The following CDH2 variants were observed in gnomAD, a reference collection of about 807,000 sequenced individuals.
CDH2 encodes cadherin-2.
CDH2 carries 17 observed loss-of-function variants against 92.0 expected under a neutral mutation model. The observed-to-expected ratio is 0.18, with a 90% CI of 0.13 to 0.28. CDH2 has a LOEUF of 0.28. CDH2 is among the 10% of genes least tolerant of loss of function. CDH2 has a pLI of 1.00. For missense variants in CDH2, 862 were observed against 1,133.1 expected (o/e 0.76, Z 3.44); for synonymous variants, 419 against 415.9 (o/e 1.01, Z -0.09).
intron 1 of CDH2, among the ~76,000 whole-genome samples, chr18:28,152,324 G>A (rs2016136410): frequency 6.6e-6 from 1 of 152,152 alleles, no homozygotes; most frequent in African/African-American, 2.4e-5. Context: ...AATCTTTCAA[G>A]AAACATGTAC....
chr18:28,053,597 A>C (rs1268964507), intron 2 of CDH2, among the ~76,000 whole-genome samples: 2 of 152,234 alleles, frequency 1.3e-5, no homozygotes, highest in Non-Finnish European at 2.9e-5. Flanking sequence ...ACTGATTCAA[A>C]TAACCAATTA....
At chr18:27,952,381 A>G in intron 15 of CDH2, 22 bp from the exon 16 acceptor site, 1 of 1,595,614 alleles carries the variant, frequency 6.3e-7, no homozygotes, top group East Asian at 2.2e-5. Context: ...AAACACAAAG[A>G]ATGAAAGAAT....
intron 2 of CDH2, among the ~76,000 whole-genome samples, chr18:28,078,214 C>T (rs1482940150): frequency 1.3e-5 from 2 of 152,092 alleles, no homozygotes; most frequent in Non-Finnish European, 2.9e-5. Context: ...TGCCTCAGAA[C>T]TCTCTAGGTT....
At chr18:28,141,975 C>T (rs376595062) in intron 2 of CDH2, among the ~76,000 whole-genome samples, 1 of 151,902 alleles carries the variant, frequency 6.6e-6, no homozygotes, top group Non-Finnish European at 1.5e-5. Flanking sequence ...TTTGCTCAGA[C>T]CATCCTATTT....
At chr18:28,014,032 A>C (rs528871598) in intron 2 of CDH2, 123 bp from the exon 3 acceptor site, 3 of 655,932 alleles carry the variant, frequency 4.6e-6, no homozygotes, top group Non-Finnish European at 7.8e-6. Context: ...CATGAAACAC[A>C]GAAGTTTTAT....
In CDH2 at chr18:28,166,928, C is replaced by G. The variant is rs17495335; in HGVS notation, c.60+10035G>C. On this transcript the variant is annotated intron_variant, in intron 1 of 15. Transcript: ENST00000269141. Reference sequence around the variant, plus strand: ...CAATCTGCATCCCTCCTGGCAGACTCTCAGATCTTTAAAAAAGATATACAA... The same window carrying G: ...CAATCTGCATCCCTCCTGGCAGACTGTCAGATCTTTAAAAAAGATATACAA... Among the ~76,000 whole-genome samples the G allele has an allele frequency of 4.2e-3, 635 of 152,118 alleles. 4 individuals are homozygous for G. The highest frequency in any genetic ancestry group is 0.015 in the African/African-American group (603 of 41,508).
At chr18:28,137,394 A>G (rs1311405566) in intron 2 of CDH2, among the ~76,000 whole-genome samples, 1 of 152,170 alleles carries the variant, frequency 6.6e-6, no homozygotes, top group Non-Finnish European at 1.5e-5. Flanking sequence ...GCATCCATAA[A>G]AAGACCTTAA....
intron 2 of CDH2, among the ~76,000 whole-genome samples, chr18:28,051,769 G>GA (rs2014196250): frequency 6.6e-6 from 1 of 152,054 alleles, no homozygotes; most frequent in African/African-American, 2.4e-5. Flanking sequence ...TCAAACTCCT[G>GA]AATGTGCTAA....
chr18:28,082,098 G>T (rs113313754), intron 2 of CDH2, among the ~76,000 whole-genome samples: 1 of 152,104 alleles, frequency 6.6e-6, no homozygotes, highest in Non-Finnish European at 1.5e-5. Context: ...TTGTTGTAAG[G>T]ATCACAGTCA....
intron 2 of CDH2, among the ~76,000 whole-genome samples, chr18:28,038,578 A>AT (rs1038135648): frequency 7.9e-5 from 12 of 151,890 alleles, no homozygotes; most frequent in African/African-American, 1.7e-4. Flanking sequence ...CAATGCATGC[A>AT]TTTTTTGTGC....
chr18:27,952,557 G>A (rs188764863), intron 15 of CDH2, among the ~76,000 whole-genome samples, 198 bp from the exon 16 acceptor site: 150 of 152,136 alleles, frequency 9.9e-4, no homozygotes, highest in African/African-American at 3.3e-3. Flanking sequence ...ATATCTTTCC[G>A]GTGCAAAGAA....
At chr18:28,162,591 G>A (rs761709048) in intron 1 of CDH2, among the ~76,000 whole-genome samples, 4 of 152,078 alleles carry the variant, frequency 2.6e-5, no homozygotes, top group Non-Finnish European at 5.9e-5. Context: ...TTTGCTCCAT[G>A]AAACTGAGAT....
At chr18:28,091,077 T>C (rs988504381) in intron 2 of CDH2, among the ~76,000 whole-genome samples, 1 of 152,192 alleles carries the variant, frequency 6.6e-6, no homozygotes, top group African/African-American at 2.4e-5. Flanking sequence ...CAGGACAAAG[T>C]TGTCAAAATG....
At chr18:27,941,314 T>C (rs1238858666) in intron 6 of CDH2, among the ~76,000 whole-genome samples, 1 of 152,132 alleles carries the variant, frequency 6.6e-6, no homozygotes, top group Admixed American at 6.5e-5. Flanking sequence ...GGATTACAGG[T>C]GTGAGCCACC....
At chr18:28,014,344 T>C (rs142290534) in intron 2 of CDH2, among the ~76,000 whole-genome samples, 1 of 152,322 alleles carries the variant, frequency 6.6e-6, no homozygotes, top group Non-Finnish European at 1.5e-5. Context: ...TTCTTAGTCA[T>C]GTCTGACACT....
chr18:27,992,915 G>A (rs939081773), intron 8 of CDH2, 75 bp from the exon 9 acceptor site: 77 of 1,082,276 alleles, frequency 7.1e-5, no homozygotes, highest in Non-Finnish European at 8.1e-5. Flanking sequence ...TGACCACACC[G>A]TCCGATTTTA....
intron 11 of CDH2, 46 bp downstream of exon 11, chr18:27,988,478 G>T (rs1473879943): frequency 1.3e-6 from 2 of 1,553,116 alleles, no homozygotes; most frequent in Non-Finnish European, 1.8e-6. Flanking sequence ...GCATGATGAG[G>T]ATCTACTGTC....
chr18:28,016,468 C>CA lies in CDH2; in HGVS notation c.173-2560dup, dbSNP rs554025427. Among the ~76,000 whole-genome samples the CA allele has an allele frequency of 4.0e-5, 6 of 151,762 alleles. No individual in the cohort carries two copies. The South Asian group carries it at 1.0e-3, about 26-fold the overall frequency. On this transcript the variant is annotated intron_variant, in intron 2 of 15. Transcript: ENST00000269141. ...ATGAACAAACAAAACCCAGGGACTTCAAAAAATTCTACTTTTTATTAGGTT... is the reference window on the plus strand; with the variant it reads ...ATGAACAAACAAAACCCAGGGACTTCAAAAAAATTCTACTTTTTATTAGGTT...
intron 6 of CDH2, among the ~76,000 whole-genome samples, chr18:27,945,001 G>C (rs1234925649): frequency 6.6e-6 from 1 of 152,002 alleles, no homozygotes; most frequent in Non-Finnish European, 1.5e-5. Flanking sequence ...TGTACCTATC[G>C]TTAGCATATC....
Sources: gnomAD v4.1 joint callset for allele counts (sites outside exome capture counted in the v4.1 genomes callset) on GRCh38, gnomAD v4.1.1 for gene constraint, MANE v1.5 for transcripts, NCBI Gene and HGNC (gene_info 2026-07-23, HGNC 2026-07-21) for gene names.